The following VWA8 variants were observed in gnomAD, a reference collection of about 807,000 sequenced individuals.
VWA8 encodes von Willebrand factor A domain-containing protein 8.
In VWA8, 221 loss-of-function variants were observed where a neutral mutation model predicts 241.5. The observed-to-expected ratio is 0.91, with a 90% CI of 0.82 to 1.02. The LOEUF (loss-of-function observed/expected upper bound fraction) is 1.02, where lower values mean the gene tolerates loss of function less well. VWA8 is among the 50% of genes least tolerant of loss of function. The pLI is 0.00. For synonymous variants in VWA8, 852 were observed against 827.1 expected (o/e 1.03, Z -0.52); for missense variants, 2,322 against 2,328.7 (o/e 1.00, Z 0.06).
chr13:41,784,727 T>TATATATATATATATATATATATATATAC lies in VWA8; in HGVS notation c.2171-827_2171-826insGTATATATATATATATATATATATATAT, dbSNP rs1555335045. On this transcript the variant is annotated intron_variant, in intron 18 of 44. Transcript: ENST00000379310. Reference sequence around the variant, plus strand: ...ATATATATATATATATATATATATATATACACACACATATATATATATATA... The same window carrying TATATATATATATATATATATATATATAC: ...ATATATATATATATATATATATATATATATATATATATATATATATATATATACATACACACACATATATATATATATA... 1.2e-4 allele frequency among the ~76,000 whole-genome samples: 8 copies of TATATATATATATATATATATATATATAC among 69,026 alleles called. 1 individual carries two copies. The highest frequency in any genetic ancestry group is 3.6e-4 in the Admixed American group (2 of 5,510). The allele number at this position is 69,026 out of a possible 152,430, so 45.3% of individuals were successfully genotyped here.
rs554445300 is a variant in VWA8, at chr13:41,696,713, CATTTAACAATTGATCCTT to C, written c.3564+2340_3564+2357del. Among the ~76,000 whole-genome samples the C allele has an allele frequency of 5.0e-3, 763 of 152,280 alleles. 2 individuals are homozygous for C. Among genetic ancestry groups the C allele is most frequent in the Non-Finnish European group, 6.9e-3 (469 of 68,014 alleles). On this transcript the variant is annotated intron_variant, in intron 29 of 44. Transcript: ENST00000379310. ...AATCTCTTACATGTTATGTCATCAG[CATTTAACAATTGATCCTT>C]ATCTTTGAGACATTCATCACTTGCA...
At chr13:41,660,114 T>C (rs1415929397) in intron 37 of VWA8, among the ~76,000 whole-genome samples, 1 of 149,594 alleles carries the variant, frequency 6.7e-6, no homozygotes, top group Non-Finnish European at 1.5e-5. Flanking sequence ...ATGATCACTC[T>C]TTTTTTTTTC....
chr13:41,840,335 G>A (rs1225133737), intron 12 of VWA8, among the ~76,000 whole-genome samples: 1 of 152,024 alleles, frequency 6.6e-6, no homozygotes, highest in African/African-American at 2.4e-5. Flanking sequence ...CTAGAGGAGG[G>A]ATAGCATTAG....
At position 41,877,795 on chromosome 13, in the gene VWA8, C is replaced by G. The variant is rs560483384; in HGVS notation, c.1080+5592G>C. 2.0e-5 allele frequency among the ~76,000 whole-genome samples: 3 copies of G among 152,072 alleles called. No homozygotes were observed. In the South Asian group the frequency reaches 6.2e-4, roughly 31 times the overall value. Reference sequence around the variant, plus strand: ...TGTTACTAAACTGTAAGAAAGCATACTATTCTCAAAGTATAGCAGATTCAG... The same window carrying G: ...TGTTACTAAACTGTAAGAAAGCATAGTATTCTCAAAGTATAGCAGATTCAG... On this transcript the variant is annotated intron_variant, in intron 9 of 44. Transcript: ENST00000379310.
chr13:41,813,483 A>T (rs575420940), intron 16 of VWA8, among the ~76,000 whole-genome samples: 1 of 152,284 alleles, frequency 6.6e-6, no homozygotes, highest in Admixed American at 6.5e-5. Flanking sequence ...ACCATGAAAA[A>T]TTCATATTTT....
At chr13:41,838,743 A>C (rs931477347) in intron 12 of VWA8, among the ~76,000 whole-genome samples, 1 of 152,098 alleles carries the variant, frequency 6.6e-6, no homozygotes, top group Non-Finnish European at 1.5e-5. Context: ...GTGACACTAA[A>C]AAAAAGTTAC....
At chr13:41,779,691 AT>A in intron 19 of VWA8, among the ~76,000 whole-genome samples, 1 of 152,324 alleles carries the variant, frequency 6.6e-6, no homozygotes, top group Admixed American at 6.5e-5. Flanking sequence ...GTCAGTGCCA[AT>A]TCCAGAAAAC....
At chr13:41,820,486 G>T (rs751234248) in intron 14 of VWA8, among the ~76,000 whole-genome samples, 2 of 152,086 alleles carry the variant, frequency 1.3e-5, no homozygotes, top group Non-Finnish European at 1.5e-5. Context: ...TAATTTTAAA[G>T]GCCACATCAT....
At chr13:41,654,461 A>G (rs2044888636) in intron 37 of VWA8, among the ~76,000 whole-genome samples, 1 of 152,136 alleles carries the variant, frequency 6.6e-6, no homozygotes, top group Admixed American at 6.5e-5. Flanking sequence ...GGGTAGAGGG[A>G]ATGGTTTCAG....
chr13:41,881,370 G>T (rs865917234), intron 9 of VWA8, among the ~76,000 whole-genome samples: 307 of 23,802 alleles, frequency 0.013, 35 homozygotes, highest in African/African-American at 0.04. Flanking sequence ...GTTTTTTTTT[G>T]CCGGGGGGGG....
rs576600860 is a variant in VWA8, at chr13:41,793,793, C to T, written c.2064-6250G>A. Among the ~76,000 whole-genome samples, 4 of 152,104 alleles carry T rather than the reference C, an allele frequency of 2.6e-5. No homozygotes were observed. The South Asian group carries it at 6.2e-4, about 24-fold the overall frequency. On this transcript the variant is annotated intron_variant, in intron 17 of 44. Transcript: ENST00000379310. ...ATCGTGCCACTGCACTGCAGCCTGG[C>T]GACAGAGCAAGACTCCATCTCAAAA...
chr13:41,812,606 C>T (rs1870520434), intron 16 of VWA8, among the ~76,000 whole-genome samples: 1 of 152,090 alleles, frequency 6.6e-6, no homozygotes, highest in Admixed American at 6.6e-5. Context: ...CTCCGTATGT[C>T]CCAAAGAAGA....
chr13:41,795,599 T>C (rs895134213), intron 17 of VWA8, among the ~76,000 whole-genome samples: 3 of 152,312 alleles, frequency 2.0e-5, no homozygotes, highest in African/African-American at 4.8e-5. Flanking sequence ...ATATACACCA[T>C]AGAATACTAT....
intron 10 of VWA8, among the ~76,000 whole-genome samples, chr13:41,866,360 T>C (rs9532939): frequency 7.0e-6 from 1 of 141,858 alleles, no homozygotes; most frequent in Non-Finnish European, 1.5e-5. Flanking sequence ...AAAAAAAAAA[T>C]ATATATATAT....
In VWA8 at chr13:41,799,519, C is replaced by G. The variant is rs74389706; in HGVS notation, c.2063+11706G>C. On this transcript the variant is annotated intron_variant, in intron 17 of 44. Transcript: ENST00000379310. The stretch of plus-strand genomic sequence containing the variant: ...TCATTTCTCTGGGCTTGTGGGCAAA[C>G]ATTTTTTAGTCTATGGGAACAGGGA... 4.6e-3 allele frequency among the ~76,000 whole-genome samples: 704 copies of G among 152,240 alleles called. 4 individuals carry two copies. The highest frequency in any genetic ancestry group is 8.4e-3 in the Non-Finnish European group (569 of 68,004).
chr13:41,719,306 G>A (rs769801359), intron 26 of VWA8: 44 of 1,175,710 alleles, frequency 3.7e-5, no homozygotes, highest in African/African-American at 1.1e-4. Flanking sequence ...ATAGTAATAC[G>A]CATAGTAATT....
At chr13:41,781,990 G>A (rs546011833) in intron 19 of VWA8, among the ~76,000 whole-genome samples, 2 of 152,292 alleles carry the variant, frequency 1.3e-5, no homozygotes, top group African/African-American at 2.4e-5. Flanking sequence ...CACTGACTAC[G>A]GCTTCAAAGA....
intron 29 of VWA8, among the ~76,000 whole-genome samples, chr13:41,693,747 C>G (rs2045194797): frequency 6.6e-6 from 1 of 151,812 alleles, no homozygotes; most frequent in Admixed American, 6.6e-5. Flanking sequence ...AAAAACTTAA[C>G]ATTGAGAAAG....
intron 37 of VWA8, among the ~76,000 whole-genome samples, chr13:41,668,132 A>G (rs2044998704): frequency 6.6e-6 from 1 of 152,226 alleles, no homozygotes; most frequent in African/African-American, 2.4e-5. Flanking sequence ...TTATCTCAAT[A>G]TGGACAGTTC....
Sources: allele counts gnomAD v4.1 joint callset (sites outside exome capture counted in the v4.1 genomes callset), GRCh38; gene constraint gnomAD v4.1.1; transcripts MANE v1.5; gene names NCBI Gene and HGNC (gene_info 2026-07-23, HGNC 2026-07-21).